VPS26C: variants seen among roughly 807,000 people sequenced by gnomAD.
VPS26C encodes the protein VPS26 endosomal protein sorting factor C.
Under a neutral mutation model 30.6 loss-of-function variants are expected in VPS26C, and 19 were observed. The observed-to-expected ratio is 0.62, with a 90% CI of 0.43 to 0.91. The LOEUF is 0.91. Among genes scored for constraint, VPS26C ranks in the 40% least tolerant of loss-of-function variants. The pLI, the probability that VPS26C is intolerant of heterozygous loss-of-function variation, is 0.00. For missense variants in VPS26C, 318 were observed against 385.1 expected, an observed-to-expected ratio of 0.83 and a Z score of 1.46; for synonymous variants, 132 against 151.5, an observed-to-expected ratio of 0.87 and a Z score of 0.95.
chr21:37,245,056 A>G (rs1838080669), intron 1 of VPS26C, among the ~76,000 whole-genome samples: 2 of 152,238 alleles, frequency 1.3e-5, no homozygotes, highest in South Asian at 2.1e-4. Context: ...TCCGGCTATT[A>G]GAACACTCCA....
Position 37,257,962 on chromosome 21 carries a change from T to G in VPS26C, c.57+9276A>C, listed in dbSNP as rs993745207. Among the ~76,000 whole-genome samples, 2 of 152,232 alleles carry G rather than the reference T, an allele frequency of 1.3e-5. No homozygotes were observed. The highest frequency in any genetic ancestry group is 2.9e-5 in the Non-Finnish European group (2 of 68,036). ...CACCAGCCGGCAGCGCCCACCAGCC[T>G]GCGCTGCGCTGCACATGGTACCCGC... is the stretch of plus-strand genomic sequence containing the variant. On this transcript the variant is annotated intron_variant, in intron 1 of 7. Transcript: ENST00000309117. The surrounding 1 kb of genome is among the most constrained non-coding windows in gnomAD (Gnocchi z 4.2).
intron 4 of VPS26C, chr21:37,232,781 G>A: frequency 2.5e-6 from 1 of 395,166 alleles, no homozygotes; most frequent in Non-Finnish European, 4.7e-6. Flanking sequence ...CCCTCCAAAG[G>A]GCTCTTCACA....
At chr21:37,260,358 A>G (rs773002793) in intron 1 of VPS26C, among the ~76,000 whole-genome samples, 18 of 152,180 alleles carry the variant, frequency 1.2e-4, no homozygotes, top group Non-Finnish European at 2.2e-4. Context: ...TGATTATCTC[A>G]TATCACCCAT....
rs1403056370 is a variant in VPS26C, at chr21:37,235,127, C to T, written c.352-1685G>A. ...GTTCAAGCAATTCTCCTGCCTCAGC[C>T]TCCCGAGTAGCTGAGATTACAGGCA... is the stretch of plus-strand genomic sequence containing the variant. On this transcript the variant is annotated intron_variant, in intron 3 of 7. Transcript: ENST00000309117. 5.9e-5 allele frequency among the ~76,000 whole-genome samples: 9 copies of T among 152,248 alleles called. No individual in the cohort carries two copies. The East Asian group carries it at 1.7e-3, about 29-fold the overall frequency.
At chr21:37,258,803 C>T (rs2086274604) in intron 1 of VPS26C, among the ~76,000 whole-genome samples, 1 of 152,126 alleles carries the variant, frequency 6.6e-6, no homozygotes, top group East Asian at 1.9e-4. Context: ...AAACACGCCG[C>T]GGTGGTCAAG....
chr21:37,263,741 C>G (rs1405677500), intron 1 of VPS26C, among the ~76,000 whole-genome samples: 2 of 152,190 alleles, frequency 1.3e-5, no homozygotes, highest in Non-Finnish European at 2.9e-5. Flanking sequence ...GCAGTCACCT[C>G]AAGCAACCCA....
At chr21:37,243,530 C>G (rs2086108671) in intron 1 of VPS26C, among the ~76,000 whole-genome samples, 1 of 152,192 alleles carries the variant, frequency 6.6e-6, no homozygotes, top group Non-Finnish European at 1.5e-5. Context: ...CACCAAGAGC[C>G]AACCCCTCTT....
chr21:37,266,132 G>A (rs1294952736), intron 1 of VPS26C, among the ~76,000 whole-genome samples: 1 of 151,980 alleles, frequency 6.6e-6, no homozygotes, highest in Admixed American at 6.6e-5. Flanking sequence ...TGGCCAGGCT[G>A]GTCTCGAACT....
Position 37,267,244 on chromosome 21 carries a change from G to C in VPS26C, c.51C>G (p.His17Gln). The C allele has an allele frequency of 7.7e-7, 1 of 1,303,858 alleles. No homozygotes were observed. Among genetic ancestry groups the C allele is most frequent in the Non-Finnish European group, 1.1e-6 (1 of 951,032 alleles). The allele number at this position is 1,303,858 out of a possible 1,614,324, so 80.8% of individuals were successfully genotyped here. The change falls in exon 1 of 8, where the codon CAC (histidine) becomes CAG (glutamine). Residue 17 changes from histidine (H) to glutamine (Q), a missense_variant. His to Gln is a conservative substitution (Grantham distance 24). Coordinates refer to ENST00000309117, the MANE Select transcript of VPS26C (RefSeq NM_006052.2). ...IKIKRANKVY[H>Q]AGEVLSGVVV... The stretch of plus-strand genomic sequence containing the variant: ...ACCCCCAGCCCCCACTTACCCCGGC[G>C]TGATAAACTTTATTCGCTCTTTTAA...
At chr21:37,232,997 A>C (rs1019568176) in intron 4 of VPS26C, among the ~76,000 whole-genome samples, 1 of 152,224 alleles carries the variant, frequency 6.6e-6, no homozygotes, top group Admixed American at 6.5e-5. Context: ...TCCATGTTAC[A>C]TAATTTCAGA....
chr21:37,245,718 C>T (rs1018999473), intron 1 of VPS26C, among the ~76,000 whole-genome samples: 1 of 152,024 alleles, frequency 6.6e-6, no homozygotes, highest in African/African-American at 2.4e-5. Flanking sequence ...GATCATTCAC[C>T]AGAAGAAAAA....
At chr21:37,267,551 A>C (rs1273321017), upstream of VPS26C, 3 of 554,590 alleles carry the variant, frequency 5.4e-6, no homozygotes, top group African/African-American at 1.9e-5. Flanking sequence ...TGGGCGTGAA[A>C]GACGGGGCCA....
intron 1 of VPS26C, among the ~76,000 whole-genome samples, chr21:37,263,655 C>T (rs1439582175): frequency 1.3e-5 from 2 of 152,180 alleles, no homozygotes; most frequent in Non-Finnish European, 2.9e-5. Context: ...CTGACAAACA[C>T]GTTTCACTTG....
chr21:37,246,518 G>C (rs1378922890), intron 1 of VPS26C, among the ~76,000 whole-genome samples: 1 of 151,948 alleles, frequency 6.6e-6, no homozygotes, highest in Non-Finnish European at 1.5e-5. Flanking sequence ...CTATCCAAGA[G>C]ATGGCTAGAA....
At chr21:37,235,777 G>A (rs1363073338) in intron 3 of VPS26C, among the ~76,000 whole-genome samples, 1 of 148,374 alleles carries the variant, frequency 6.7e-6, no homozygotes, top group Non-Finnish European at 1.5e-5. Flanking sequence ...TGACAAGAAA[G>A]CCAAGCCTCT....
At chr21:37,225,861 C>T (rs751707704) in intron 7 of VPS26C, 1 of 569,772 alleles carries the variant, frequency 1.8e-6, no homozygotes, top group African/African-American at 1.9e-5. Context: ...TTTGTCCTCT[C>T]ATCTTGGAAC....
At chr21:37,256,586 T>C (rs1203000721) in intron 1 of VPS26C, among the ~76,000 whole-genome samples, 2 of 152,184 alleles carry the variant, frequency 1.3e-5, no homozygotes, top group Non-Finnish European at 2.9e-5. Flanking sequence ...TAAAATCTAT[T>C]TTCTATCACC....
chr21:37,250,433 C>T (rs2835682), intron 1 of VPS26C, among the ~76,000 whole-genome samples: 97,368 of 151,974 alleles, frequency 0.64, 31,683 homozygotes, highest in East Asian at 0.76. Context: ...ATTTTTTTCA[C>T]ATCTAAGTGG....
chr21:37,247,386 T>G lies in VPS26C; in HGVS notation c.58-6747A>C, dbSNP rs549488899. Among the ~76,000 whole-genome samples the G allele has an allele frequency of 3.3e-5, 5 of 152,326 alleles. No homozygotes were observed. The South Asian group carries it at 1.0e-3, about 32-fold the overall frequency. On this transcript the variant is annotated intron_variant, in intron 1 of 7. Coordinates refer to ENST00000309117, the MANE Select transcript of VPS26C (RefSeq NM_006052.2). Reference sequence around the variant, plus strand: ...AGGAAATATGCTAATTTACCATTGTTCACAGTAGGAAATTAATAAATAATG... The same window carrying G: ...AGGAAATATGCTAATTTACCATTGTGCACAGTAGGAAATTAATAAATAATG...
Sources: gnomAD v4.1 joint callset for allele counts (sites outside exome capture counted in the v4.1 genomes callset) on GRCh38, gnomAD v4.1.1 for gene constraint, Gnocchi (gnomAD v3.1) non-coding constraint, MANE v1.5 for transcripts, NCBI Gene and HGNC (gene_info 2026-07-23, HGNC 2026-07-21) for gene names.